The following PCDH15 variants were observed in gnomAD, a reference collection of about 807,000 sequenced individuals.
The protein encoded by PCDH15 is protocadherin-15.
A neutral mutation model predicts 178.5 loss-of-function variants in PCDH15; 129 were observed. The ratio of observed to expected loss-of-function variants is 0.72; its 90% confidence interval spans 0.63 to 0.84. PCDH15 has a LOEUF of 0.84. Ranked by LOEUF, PCDH15 falls within the 40% of genes least tolerant of loss-of-function variation. The pLI is 0.00. For missense variants in PCDH15, 2,230 were observed against 2,099.9 expected, an observed-to-expected ratio of 1.06 and a Z score of -1.21; for synonymous variants, 800 against 732.0, an observed-to-expected ratio of 1.09 and a Z score of -1.50.
At chr10:54,647,020 A>G (rs919812908) in intron 2 of PCDH15, among the ~76,000 whole-genome samples, 1 of 152,116 alleles carries the variant, frequency 6.6e-6, no homozygotes, top group African/African-American at 2.4e-5. Flanking sequence ...TCAGGATCTT[A>G]AAGAAATATT....
intron 2 of PCDH15, among the ~76,000 whole-genome samples, chr10:55,162,277 A>G (rs568888362): frequency 1.3e-5 from 2 of 152,296 alleles, no homozygotes; most frequent in East Asian, 3.9e-4. Context: ...CTTAGAAACT[A>G]TGGTTGGTCT....
At chr10:54,309,320 TACAC>T (rs71984217) in intron 8 of PCDH15, among the ~76,000 whole-genome samples, 31,102 of 145,946 alleles carry the variant, frequency 0.21, 3,479 homozygotes, top group African/African-American at 0.3. Context: ...TATACGTACA[TACAC>T]ACACACACAC....
At chr10:55,102,576 T>C (rs938886950) in intron 2 of PCDH15, among the ~76,000 whole-genome samples, 11 of 152,254 alleles carry the variant, frequency 7.2e-5, no homozygotes, top group Non-Finnish European at 1.5e-4. Context: ...TCAAAATATC[T>C]TGTATACTGT....
At chr10:54,767,303 C>A (rs1400941664) in intron 1 of PCDH15, among the ~76,000 whole-genome samples, 2 of 152,088 alleles carry the variant, frequency 1.3e-5, no homozygotes, top group Non-Finnish European at 2.9e-5. Context: ...CCTATTAAAA[C>A]TAAACCTATT....
Position 55,340,427 on chromosome 10 carries a change from T to C in PCDH15, c.-155-173776A>G, listed in dbSNP as rs145106625. On this transcript the variant is annotated intron_variant, in intron 2 of 5. Transcript: ENST00000613346. ...GTATAAATGATAAAGTATATGGTTT[T>C]CTTATGATGGGAAGTTAATCATCTC... Among the ~76,000 whole-genome samples the C allele has an allele frequency of 2.2e-3, 338 of 152,054 alleles. 3 individuals are homozygous for C. The highest frequency in any genetic ancestry group is 7.6e-3 in the African/African-American group (315 of 41,528).
intron 2 of PCDH15, among the ~76,000 whole-genome samples, chr10:55,053,105 T>C (rs959940419): frequency 6.6e-6 from 1 of 152,186 alleles, no homozygotes; most frequent in African/African-American, 2.4e-5. Context: ...ATAATCCTAT[T>C]ATATGTGGCT....
intron 1 of PCDH15, among the ~76,000 whole-genome samples, chr10:54,715,833 G>C (rs1199605964): frequency 6.6e-6 from 1 of 152,068 alleles, no homozygotes; most frequent in Non-Finnish European, 1.5e-5. Context: ...CTCTGCTTTT[G>C]GCCAGGGTAT....
At chr10:54,320,622 T>C (rs1245747416) in intron 7 of PCDH15, among the ~76,000 whole-genome samples, 2 of 152,220 alleles carry the variant, frequency 1.3e-5, no homozygotes, top group Middle Eastern at 3.4e-3. Flanking sequence ...GCCACTTTTT[T>C]AATACTGATC....
In PCDH15 at chr10:55,086,698, C is replaced by G. The variant is rs114311951; in HGVS notation, c.-80+79878G>C. ...CCATGGAATTCTGTGAACATGAAGA[C>G]TTTCCCAAAATGACACACAGTCAAT... On this transcript the variant is annotated intron_variant, in intron 2 of 5. Transcript: ENST00000458638. Among the ~76,000 whole-genome samples, 861 of 152,118 alleles carry G rather than the reference C, an allele frequency of 5.7e-3. 7 individuals are homozygous for G. The highest frequency in any genetic ancestry group is 0.02 in the African/African-American group (831 of 41,536).
intron 2 of PCDH15, among the ~76,000 whole-genome samples, chr10:55,527,290 G>A (rs767735698): frequency 6.6e-6 from 1 of 152,044 alleles, no homozygotes; most frequent in African/African-American, 2.4e-5. Context: ...GTGTCAGCCA[G>A]AATGGTTCCT....
intron 3 of PCDH15, among the ~76,000 whole-genome samples, chr10:54,469,108 T>G (rs889440554): frequency 6.6e-6 from 1 of 152,172 alleles, no homozygotes; most frequent in African/African-American, 2.4e-5. Flanking sequence ...TGTCTTTTTG[T>G]TTGTTTGTTT....
intron 25 of PCDH15, among the ~76,000 whole-genome samples, chr10:53,910,955 T>G (rs1396456992): frequency 6.6e-6 from 1 of 151,708 alleles, no homozygotes; most frequent in Admixed American, 6.6e-5. Context: ...AAAAGAGAAG[T>G]TTAGAGAAAA....
At chr10:54,114,532 A>G (rs981827800) in intron 15 of PCDH15, among the ~76,000 whole-genome samples, 15 of 152,188 alleles carry the variant, frequency 9.9e-5, no homozygotes, top group African/African-American at 3.4e-4. Context: ...AGCAAATAAA[A>G]CAAACTCTCG....
chr10:55,064,964 T>C (rs1841526371), intron 2 of PCDH15, among the ~76,000 whole-genome samples: 1 of 152,046 alleles, frequency 6.6e-6, no homozygotes, highest in African/African-American at 2.4e-5. Flanking sequence ...CAATGAGATG[T>C]TATTTTTCTT....
chr10:54,233,677 AGTTACTGCATTTGC>A (rs1158267012), intron 9 of PCDH15, among the ~76,000 whole-genome samples: 8 of 152,192 alleles, frequency 5.3e-5, no homozygotes, highest in Admixed American at 2.0e-4. Context: ...CTTGACCTTA[AGTTACTGCATTTGC>A]AGAGTTTCAA....
intron 10 of PCDH15, among the ~76,000 whole-genome samples, chr10:54,207,413 G>C (rs2050929143): frequency 6.7e-6 from 1 of 148,232 alleles, no homozygotes; most frequent in African/African-American, 2.5e-5. Flanking sequence ...TGTGTGTTTT[G>C]GTATTATTTA....
At chr10:54,358,905 G>A (rs919292435) in intron 5 of PCDH15, among the ~76,000 whole-genome samples, 1 of 150,686 alleles carries the variant, frequency 6.6e-6, no homozygotes, top group Non-Finnish European at 1.5e-5. Context: ...GTAAACTATT[G>A]CAAGAACAAA....
rs780993138 is a variant in PCDH15 at position 55,599,919 on chromosome 10, G to A, written c.-156+27706C>T. ...GTATGAATGGCCACACCAGGGTTTAGCTGTCTCTTACTTTCAACCAGTGAA... is the reference window on the plus strand; with the variant it reads ...GTATGAATGGCCACACCAGGGTTTAACTGTCTCTTACTTTCAACCAGTGAA... On this transcript the variant is annotated intron_variant, in intron 2 of 5. Coordinates refer to the PCDH15 transcript ENST00000613346. 5 of 1,527,112 alleles carry A rather than the reference G, an allele frequency of 3.3e-6. No individual in the cohort carries two copies. The highest frequency in any genetic ancestry group is 2.8e-5 in the African/African-American group (2 of 72,552). 94.6% of individuals were successfully genotyped at this position (1,527,112 alleles called of 1,614,324 possible).
At chr10:54,450,825 A>C (rs910444724) in intron 3 of PCDH15, among the ~76,000 whole-genome samples, 2 of 151,880 alleles carry the variant, frequency 1.3e-5, no homozygotes, top group Non-Finnish European at 1.5e-5. Context: ...TCTGTAAACA[A>C]AATGCTTCTC....
Sources: gnomAD v4.1 joint callset for allele counts (sites outside exome capture counted in the v4.1 genomes callset) on GRCh38, gnomAD v4.1.1 for gene constraint, MANE v1.5 for transcripts, NCBI Gene and HGNC (gene_info 2026-07-23, HGNC 2026-07-21) for gene names.